FBXO33: variants seen among roughly 807,000 people sequenced by gnomAD.
The protein encoded by FBXO33 is F-box protein 33.
Under a neutral mutation model 46.3 loss-of-function variants are expected in FBXO33, and 22 were observed. The observed-to-expected ratio is 0.48, with a 90% CI of 0.34 to 0.68. The LOEUF (loss-of-function observed/expected upper bound fraction) is 0.68. Ranked by LOEUF, FBXO33 falls within the 30% of genes least tolerant of loss-of-function variation. The pLI, the probability that FBXO33 is intolerant of heterozygous loss-of-function variation, is 0.01. For synonymous variants in FBXO33, 337 were observed against 291.3 expected (o/e 1.16, Z -1.60); for missense variants, 692 against 708.8 (o/e 0.98, Z 0.27).
chr14:39,409,340 AC>A (rs1376037747), intron 1 of FBXO33, among the ~76,000 whole-genome samples: 75 of 152,238 alleles, frequency 4.9e-4, no homozygotes, highest in African/African-American at 1.8e-3. Context: ...TGTTGAAGAG[AC>A]TATCCTTTCC....
intron 1 of FBXO33, among the ~76,000 whole-genome samples, chr14:39,428,243 T>C (rs1389450807): frequency 6.6e-6 from 1 of 152,178 alleles, no homozygotes; most frequent in Non-Finnish European, 1.5e-5. Flanking sequence ...TCTGGCTCTG[T>C]CACCCAGGAT....
At chr14:39,428,831 C>T (rs2139422719) in intron 1 of FBXO33, among the ~76,000 whole-genome samples, 1 of 152,296 alleles carries the variant, frequency 6.6e-6, no homozygotes, top group Admixed American at 6.5e-5. Flanking sequence ...AGAACGACTG[C>T]AGAGAAATTC....
intron 1 of FBXO33, among the ~76,000 whole-genome samples, chr14:39,424,706 T>C (rs944887322): frequency 2.0e-5 from 3 of 152,152 alleles, no homozygotes; most frequent in African/African-American, 7.2e-5. Context: ...TGAGAGTTAA[T>C]ATAGCTAAGT....
At chr14:39,404,605 C>T (rs946641662) in intron 1 of FBXO33, among the ~76,000 whole-genome samples, 4 of 151,896 alleles carry the variant, frequency 2.6e-5, no homozygotes. Flanking sequence ...GGATTACAGG[C>T]GTGAGCCACC....
At position 39,397,754 on chromosome 14, in the gene FBXO33, A is replaced by G. The variant is rs2075349602; in HGVS notation, c.*1762T>C. The G allele has an allele frequency of 6.5e-6, 1 of 152,808 alleles. No homozygotes were observed. The highest frequency in any genetic ancestry group is 2.1e-4 in the South Asian group (1 of 4,832). The allele number at this position is 152,808 out of a possible 1,614,324, so 9.5% of individuals were successfully genotyped here. A position where few individuals can be genotyped will look rare whatever the true frequency, so the allele number is the denominator to read the frequency against. On this transcript the variant is annotated 3_prime_UTR_variant, in exon 4 of 4. Transcript: ENST00000298097. ...ATATACAATAAAATATATTACAATGATCATTTTTAATGCTTTATTCATTGA... is the reference window on the plus strand; with the variant it reads ...ATATACAATAAAATATATTACAATGGTCATTTTTAATGCTTTATTCATTGA...
chr14:39,398,916 A>T lies in FBXO33; in HGVS notation c.*600T>A, dbSNP rs1305543298. Reference sequence around the variant, plus strand: ...GTGTTTACGTAAATGCATTTTTTTTAAAAGGATTAAGCAATGTTCTAACCT... The same window carrying T: ...GTGTTTACGTAAATGCATTTTTTTTTAAAGGATTAAGCAATGTTCTAACCT... On this transcript the variant is annotated 3_prime_UTR_variant, in exon 4 of 4. Coordinates refer to ENST00000298097, the MANE Select transcript of FBXO33 (RefSeq NM_203301.4). The T allele has an allele frequency of 6.6e-6, 1 of 152,234 alleles. No homozygotes were observed. Among genetic ancestry groups the T allele is most frequent in the Non-Finnish European group, 1.5e-5 (1 of 68,024 alleles). 9.4% of individuals were successfully genotyped at this position (152,234 alleles called of 1,614,324 possible).
chr14:39,399,560 G>C lies in FBXO33; in HGVS notation c.1624C>G (p.Arg542Gly). The C allele has an allele frequency of 6.2e-7, 1 of 1,612,504 alleles. No homozygotes were observed. Among genetic ancestry groups the C allele is most frequent in the Non-Finnish European group, 8.5e-7 (1 of 1,179,200 alleles). ...CTTTGCATCTCTCTGTAAAAATGACGATTTGGTTCAGTGAAGACACTGAGT... is the reference window on the plus strand; with the variant it reads ...CTTTGCATCTCTCTGTAAAAATGACCATTTGGTTCAGTGAAGACACTGAGT... ...ESLSVFTEPN[R>G]HFYREMQSFS... The change falls in exon 4 of 4, where the codon CGT (arginine) becomes GGT (glycine). Residue 542 changes from arginine (R) to glycine (G), a missense_variant. Arg to Gly is a moderately radical substitution (Grantham distance 125). Around this residue, in one of 3 missense-constraint regions of FBXO33, gnomAD observed 94 missense variants for 91.9 expected, o/e 1.02. Transcript: ENST00000298097.
chr14:39,404,587 A>C (rs771918078), intron 1 of FBXO33, among the ~76,000 whole-genome samples: 50 of 152,196 alleles, frequency 3.3e-4, no homozygotes, highest in Non-Finnish European at 5.4e-4. Context: ...TGGCCTCCCA[A>C]AGTGCTGGGA....
chr14:39,421,275 T>G (rs533849270), intron 1 of FBXO33, among the ~76,000 whole-genome samples: 1 of 152,338 alleles, frequency 6.6e-6, no homozygotes, highest in South Asian at 2.1e-4. Flanking sequence ...GATTAAAAGG[T>G]AGCCCAACTC....
intron 1 of FBXO33, among the ~76,000 whole-genome samples, chr14:39,422,211 T>C (rs929949913): frequency 5.9e-5 from 9 of 152,168 alleles, no homozygotes; most frequent in African/African-American, 2.2e-4. Flanking sequence ...TGAGCCAATA[T>C]TGTGCCACTG....
chr14:39,414,057 A>T (rs1474674885), intron 1 of FBXO33, among the ~76,000 whole-genome samples: 1 of 152,234 alleles, frequency 6.6e-6, no homozygotes, highest in East Asian at 1.9e-4. Flanking sequence ...GTCTCTAGCT[A>T]TCAAAGTCCT....
intron 1 of FBXO33, among the ~76,000 whole-genome samples, chr14:39,425,965 T>C (rs2075511128): frequency 6.6e-6 from 1 of 152,120 alleles, no homozygotes; most frequent in African/African-American, 2.4e-5. Flanking sequence ...TTGGGACCCA[T>C]TAACCAGAAG....
chr14:39,418,305 C>T lies in FBXO33; in HGVS notation c.599+13259G>A, dbSNP rs975758211. ...GTCTCGATCTCCTGACCTCGTGATC[C>T]GCCTGCCTCAGCCTCCCAAAGTGCT... On this transcript the variant is annotated intron_variant, in intron 1 of 3. Coordinates refer to ENST00000298097, the MANE Select transcript of FBXO33 (RefSeq NM_203301.4). Among the ~76,000 whole-genome samples, 5 of 151,046 alleles carry T rather than the reference C, an allele frequency of 3.3e-5. No individual in the cohort carries two copies. The East Asian group carries it at 6.0e-4, about 18-fold the overall frequency.
intron 1 of FBXO33, among the ~76,000 whole-genome samples, chr14:39,426,141 ATTTT>A (rs1484128679): frequency 6.6e-6 from 1 of 151,880 alleles, no homozygotes; most frequent in East Asian, 1.9e-4. Context: ...TTATTTATTT[ATTTT>A]TTATTTTATT....
At chr14:39,425,482 TA>T (rs1292577121) in intron 1 of FBXO33, among the ~76,000 whole-genome samples, 4 of 152,218 alleles carry the variant, frequency 2.6e-5, no homozygotes, top group African/African-American at 9.7e-5. Context: ...TCCAATGCCA[TA>T]AAAGAGATAA....
intron 1 of FBXO33, among the ~76,000 whole-genome samples, chr14:39,414,952 A>G (rs1204316575): frequency 1.3e-5 from 2 of 152,088 alleles, no homozygotes; most frequent in Non-Finnish European, 1.5e-5. Context: ...CCTAATTTCA[A>G]TATTATTATC....
intron 1 of FBXO33, among the ~76,000 whole-genome samples, chr14:39,421,145 A>G (rs1447825380): frequency 6.6e-6 from 1 of 152,206 alleles, no homozygotes; most frequent in Non-Finnish European, 1.5e-5. Context: ...CATTAAGATC[A>G]AAGACTCTTG....
At chr14:39,402,020 T>A (rs1367165235) in intron 2 of FBXO33, among the ~76,000 whole-genome samples, 159 bp from the exon 3 acceptor site, 1 of 152,172 alleles carries the variant, frequency 6.6e-6, no homozygotes, top group Non-Finnish European at 1.5e-5. Context: ...CCATTAAAAT[T>A]CACATTAAAA....
At chr14:39,421,780 T>TCACACA (rs10582893) in intron 1 of FBXO33, among the ~76,000 whole-genome samples, 2,105 of 149,156 alleles carry the variant, frequency 0.014, 29 homozygotes, top group Non-Finnish European at 0.02. Context: ...TGAGTACAAA[T>TCACACA]CACACACACA....
Sources: allele counts gnomAD v4.1 joint callset (sites outside exome capture counted in the v4.1 genomes callset), GRCh38; gene constraint gnomAD v4.1.1; regional missense constraint gnomAD v4.1.1; transcripts MANE v1.5; gene names NCBI Gene and HGNC (gene_info 2026-07-23, HGNC 2026-07-21).